The following CELF2 variants were observed in gnomAD, a reference collection of about 807,000 sequenced individuals.
CELF2 encodes CUGBP Elav-like family member 2.
CELF2 carries 8 observed loss-of-function variants against 62.6 expected under a neutral mutation model. The observed-to-expected ratio is 0.13, with a 90% CI of 0.07 to 0.23. The LOEUF (loss-of-function observed/expected upper bound fraction) is 0.23. Among genes scored for constraint, CELF2 ranks in the 10% least tolerant of loss-of-function variants. The pLI, the probability that CELF2 is intolerant of heterozygous loss-of-function variation, is 1.00. For missense variants in CELF2, 333 were observed against 671.0 expected (o/e 0.50, Z 5.56); for synonymous variants, 258 against 250.0 (o/e 1.03, Z -0.30).
chr10:10,494,683 T>A, the CELF2 span, among the ~76,000 whole-genome samples: 116 of 152,318 alleles, frequency 7.6e-4, 1 homozygote, highest in African/African-American at 2.6e-3. Flanking sequence ...CACAGAGGGT[T>A]TTTTGAGCAT....
rs982996585 is a variant in CELF2, at chr10:10,905,586, A to G, written c.54-14378A>G. On this transcript the variant is annotated intron_variant, in intron 1 of 13. Coordinates refer to the CELF2 transcript ENST00000636488. ...TGGCAAACCCCCATCTCTACTTAAA[A>G]AAAAAAAAAGGGCTGGGCGTGGTGG... Among the ~76,000 whole-genome samples, 12 of 151,264 alleles carry G rather than the reference A, an allele frequency of 7.9e-5. No individual in the cohort carries two copies. In the East Asian group the frequency reaches 1.2e-3, roughly 15 times the overall value.
At chr10:10,597,187 C>T in the CELF2 span, among the ~76,000 whole-genome samples, 1 of 152,164 alleles carries the variant, frequency 6.6e-6, no homozygotes, top group Admixed American at 6.5e-5. Flanking sequence ...TCTCCAGATA[C>T]TTAAATTTTG....
the CELF2 span, among the ~76,000 whole-genome samples, chr10:10,653,508 A>T: frequency 7.1e-6 from 1 of 140,898 alleles, no homozygotes; most frequent in Non-Finnish European, 1.5e-5. Flanking sequence ...AGAAATTATA[A>T]CAAACTATCT....
intron 1 of CELF2, among the ~76,000 whole-genome samples, chr10:11,128,646 A>G (rs578064501): frequency 1.2e-4 from 18 of 152,264 alleles, no homozygotes; most frequent in Middle Eastern, 3.4e-3. Flanking sequence ...GCAATTGTGA[A>G]TGGGAGTTCA....
the CELF2 span, among the ~76,000 whole-genome samples, chr10:10,680,153 G>A: frequency 1.0e-4 from 15 of 149,920 alleles, no homozygotes; most frequent in African/African-American, 3.7e-4. Context: ...ACGTATGTAT[G>A]TATGTATGTA....
In CELF2 at chr10:11,269,342, C is replaced by T. The variant is rs1221307145; in HGVS notation, c.619-1324C>T. ...TGAAATATTCATCTCATTTTTCTCA[C>T]TTTTTTTTATTAACAGACATGATAT... is the stretch of plus-strand genomic sequence containing the variant. On this transcript the variant is annotated intron_variant, in intron 6 of 12. Transcript: ENST00000633077. The surrounding 1 kb of genome is among the most constrained non-coding windows in gnomAD (Gnocchi z 4.4). Among the ~76,000 whole-genome samples, 1 of 151,994 alleles carries T rather than the reference C, an allele frequency of 6.6e-6. No homozygotes were observed. Among genetic ancestry groups the T allele is most frequent in the Non-Finnish European group, 1.5e-5 (1 of 68,012 alleles).
In CELF2 at chr10:11,309,366, G is replaced by GT. The variant is rs2094445522; in HGVS notation, c.977-4772dup. The stretch of plus-strand genomic sequence containing the variant: ...TCAGTGAAGTCTATTCCCCTGCACT[G>GT]TGCCTCTGCTGTCACTCCTCAGAGG... On this transcript the variant is annotated intron_variant, in intron 9 of 12. Transcript: ENST00000633077. The surrounding 1 kb of genome is among the most constrained non-coding windows in gnomAD (Gnocchi z 5.6). Among the ~76,000 whole-genome samples, 2 of 152,216 alleles carry GT rather than the reference G, an allele frequency of 1.3e-5. No homozygotes were observed. The highest frequency in any genetic ancestry group is 2.4e-5 in the African/African-American group (1 of 41,440).
At chr10:10,782,516 C>T in the CELF2 span, among the ~76,000 whole-genome samples, 1 of 152,164 alleles carries the variant, frequency 6.6e-6, no homozygotes, top group African/African-American at 2.4e-5. Context: ...ATGCTAAGCT[C>T]ATCTGGAAAC....
At chr10:10,558,786 T>A in the CELF2 span, among the ~76,000 whole-genome samples, 2 of 152,176 alleles carry the variant, frequency 1.3e-5, no homozygotes. Flanking sequence ...GTCGAGGAAA[T>A]TTATCCATTT....
chr10:11,061,571 C>G (rs1481768265), intron 1 of CELF2, among the ~76,000 whole-genome samples: 1 of 152,214 alleles, frequency 6.6e-6, no homozygotes, highest in Non-Finnish European at 1.5e-5. Context: ...TTGGAAGATG[C>G]CATCTAGAAG....
chr10:10,778,671 G>A, the CELF2 span, among the ~76,000 whole-genome samples: 3 of 152,138 alleles, frequency 2.0e-5, no homozygotes, highest in Non-Finnish European at 4.4e-5. Context: ...CTGGCTAATA[G>A]CATTGATTCT....
chr10:10,507,365 A>C, the CELF2 span, among the ~76,000 whole-genome samples: 1 of 152,202 alleles, frequency 6.6e-6, no homozygotes, highest in Non-Finnish European at 1.5e-5. Flanking sequence ...CACCAATGTC[A>C]CAGGATTATT....
chr10:11,277,410 C>T lies in CELF2; in HGVS notation c.841+2290C>T, dbSNP rs542735084. 7.9e-5 allele frequency among the ~76,000 whole-genome samples: 12 copies of T among 152,314 alleles called. No individual in the cohort carries two copies. In the East Asian group the frequency reaches 2.3e-3, roughly 29 times the overall value. ...CCGAATTCCCCAGAGCCCTTTCCTC[C>T]CTTCCCTCTGCCCTCACCTCCCTGG... On this transcript the variant is annotated intron_variant, in intron 8 of 12. Transcript: ENST00000633077.
chr10:10,612,086 A>G, the CELF2 span, among the ~76,000 whole-genome samples: 1 of 152,194 alleles, frequency 6.6e-6, no homozygotes, highest in Non-Finnish European at 1.5e-5. Context: ...CTTCAAGTCT[A>G]CTTATTGAAG....
intron 2 of CELF2, among the ~76,000 whole-genome samples, chr10:11,188,785 T>G (rs1554923201): frequency 6.6e-6 from 1 of 152,230 alleles, no homozygotes; most frequent in Non-Finnish European, 1.5e-5. Flanking sequence ...ATTTGGCCAT[T>G]TGAAGTTGCC....
chr10:10,767,065 C>T, the CELF2 span, among the ~76,000 whole-genome samples: 9 of 152,214 alleles, frequency 5.9e-5, no homozygotes, highest in East Asian at 3.9e-4. Flanking sequence ...CCTTCATCGC[C>T]GTCTTTTGGG....
chr10:11,290,512 C>T lies in CELF2; in HGVS notation c.976+1960C>T, dbSNP rs951942499. 7.4e-6 allele frequency among the ~76,000 whole-genome samples: 1 copy of T among 135,366 alleles called. No individual in the cohort carries two copies. Among genetic ancestry groups the T allele is most frequent in the African/African-American group, 2.8e-5 (1 of 35,506 alleles). 88.8% of individuals were successfully genotyped at this position (135,366 alleles called of 152,430 possible). ...ACTGCACTCCAGCCTGGGCGACGAG[C>T]GAGACTCCGTCTAAAAAAAAAAAAA... On this transcript the variant is annotated intron_variant, in intron 9 of 12. Transcript: ENST00000633077. The surrounding 1 kb of genome is among the most constrained non-coding windows in gnomAD (Gnocchi z 4.3).
At chr10:10,669,742 T>G in the CELF2 span, among the ~76,000 whole-genome samples, 1 of 152,184 alleles carries the variant, frequency 6.6e-6, no homozygotes, top group African/African-American at 2.4e-5. Context: ...TCCCTCTTCA[T>G]GATATCTTCG....
intron 1 of CELF2, among the ~76,000 whole-genome samples, chr10:10,877,900 A>T (rs1367501949): frequency 6.6e-6 from 1 of 152,168 alleles, no homozygotes; most frequent in Admixed American, 6.5e-5. Context: ...TTGAGAGCAT[A>T]CATCTCTTTT....
Sources: gnomAD v4.1 joint callset for allele counts (sites outside exome capture counted in the v4.1 genomes callset) on GRCh38, gnomAD v4.1.1 for gene constraint, Gnocchi (gnomAD v3.1) non-coding constraint, MANE v1.5 for transcripts, NCBI Gene and HGNC (gene_info 2026-07-23, HGNC 2026-07-21) for gene names.